Variants in TBC1D23 observed in about 807,000 individuals in gnomAD.
TBC1D23 encodes TBC1 domain family member 23, also known as HCV non-structural protein 4A-transactivated protein 1.
In TBC1D23, 55 loss-of-function variants were observed where a neutral mutation model predicts 91.4. The ratio of observed to expected loss-of-function variants is 0.60; its 90% CI spans 0.48 to 0.75. The LOEUF is 0.75. TBC1D23 is among the 30% of genes least tolerant of loss of function. The pLI is 0.00. For synonymous variants in TBC1D23, 289 were observed against 281.0 expected, an observed-to-expected ratio of 1.03 and a Z score of -0.28; for missense variants, 725 against 836.1, an observed-to-expected ratio of 0.87 and a Z score of 1.64.
intron 5 of TBC1D23, among the ~76,000 whole-genome samples, chr3:100,294,265 A>AT (rs775757936): frequency 0.013 from 1,932 of 143,522 alleles, 29 homozygotes; most frequent in African/African-American, 0.043. Flanking sequence ...TTTTGTGTTT[A>AT]TTTTTTTTTT....
intron 1 of TBC1D23, among the ~76,000 whole-genome samples, chr3:100,266,480 G>T (rs2067558813): frequency 6.6e-6 from 1 of 152,028 alleles, no homozygotes; most frequent in Non-Finnish European, 1.5e-5. Context: ...TGTTGGCCAG[G>T]CCGGTCTCAA....
At chr3:100,300,626 C>T (rs571334578) in intron 10 of TBC1D23, among the ~76,000 whole-genome samples, 25 of 151,672 alleles carry the variant, frequency 1.6e-4, no homozygotes, top group Admixed American at 3.3e-4. Context: ...CTCAGCCTCC[C>T]GAGTAACTGG....
chr3:100,295,137 A>G lies in TBC1D23; in HGVS notation c.651A>G (p.Ile217Met). The change falls in exon 6 of 19, where the codon ATA (isoleucine) becomes ATG (methionine). Residue 217 changes from isoleucine (I) to methionine (M), a missense_variant. Ile to Met is a conservative substitution (Grantham distance 10). Transcript: ENST00000394144. ...GTTCCACTGAAGTCACTCAGGCAAT[A>G]TGGGATGGATATCTACAACAAGCAG... ...CYCSTEVTQA[I>M]WDGYLQQADP... is the part of the protein sequence containing the mutation. 1 of 1,606,766 alleles carries G rather than the reference A, an allele frequency of 6.2e-7. No homozygotes were observed. Among genetic ancestry groups the G allele is most frequent in the Non-Finnish European group, 8.5e-7 (1 of 1,177,492 alleles).
Position 100,283,593 on chromosome 3 carries a change from C to A in TBC1D23, c.272-14C>A. 1 of 1,606,570 alleles carries A rather than the reference C, an allele frequency of 6.2e-7. No homozygotes were observed. Among genetic ancestry groups the A allele is most frequent in the Non-Finnish European group, 8.5e-7 (1 of 1,173,910 alleles). ...AGGCCCTCAGTAACTTTATTTTTAA[C>A]ATTTATTTTCTAGACCAGCTTTCAG... On this transcript the variant is annotated splice_polypyrimidine_tract_variant and intron_variant, in intron 3 of 18. Coordinates refer to ENST00000394144, the MANE Select transcript of TBC1D23 (RefSeq NM_001199198.3).
At chr3:100,318,598 A>G (rs1705794698) in intron 16 of TBC1D23, among the ~76,000 whole-genome samples, 2 of 151,976 alleles carry the variant, frequency 1.3e-5, no homozygotes. Context: ...CTATATTATC[A>G]GTGGCATAAG....
chr3:100,290,802 T>C, intron 5 of TBC1D23, 101 bp downstream of exon 5: 2 of 1,060,646 alleles, frequency 1.9e-6, no homozygotes, highest in Non-Finnish European at 2.7e-6. Flanking sequence ...AAAGTCCTAA[T>C]TATAGATCAT....
chr3:100,320,421 T>C (rs1487605377), intron 17 of TBC1D23, among the ~76,000 whole-genome samples: 1 of 152,174 alleles, frequency 6.6e-6, no homozygotes, highest in Admixed American at 6.5e-5. Context: ...GTGCATTGAA[T>C]GAGAATAGTT....
intron 1 of TBC1D23, among the ~76,000 whole-genome samples, chr3:100,273,044 G>A (rs1451673184): frequency 5.9e-5 from 9 of 152,154 alleles, no homozygotes; most frequent in Non-Finnish European, 1.0e-4. Context: ...GACCCTTTAC[G>A]GGTGTCGGGC....
At chr3:100,292,342 ATTAC>A (rs2067799660) in intron 5 of TBC1D23, among the ~76,000 whole-genome samples, 1 of 152,110 alleles carries the variant, frequency 6.6e-6, no homozygotes, top group South Asian at 2.1e-4. Context: ...TTTATTATGT[ATTAC>A]TTAACTTTTC....
intron 15 of TBC1D23, among the ~76,000 whole-genome samples, chr3:100,313,633 C>CTGGTTACAGCAAATGCTTATTCGCT (rs1705669900): frequency 6.6e-6 from 1 of 152,114 alleles, no homozygotes; most frequent in Admixed American, 6.5e-5. Context: ...ATTTGGTTAT[C>CTGGTTACAGCAAATGCTTATTCGCT]TGGTTACAGC....
intron 4 of TBC1D23, among the ~76,000 whole-genome samples, chr3:100,287,461 T>C (rs2067753813): frequency 6.6e-6 from 1 of 152,236 alleles, no homozygotes; most frequent in African/African-American, 2.4e-5. Context: ...GCCCCACTTT[T>C]TTGGAAGATG....
intron 1 of TBC1D23, among the ~76,000 whole-genome samples, chr3:100,266,733 A>G (rs1397627130): frequency 6.6e-6 from 1 of 152,262 alleles, no homozygotes; most frequent in Non-Finnish European, 1.5e-5. Context: ...CGACAAGTGC[A>G]TTCCCTCTGT....
At chr3:100,316,600 G>T (rs1705749894) in intron 16 of TBC1D23, among the ~76,000 whole-genome samples, 1 of 152,066 alleles carries the variant, frequency 6.6e-6, no homozygotes, top group Admixed American at 6.6e-5. Context: ...AAATCCAAGT[G>T]ATGGGATTGA....
chr3:100,281,177 CT>C (rs2067691099), intron 2 of TBC1D23, among the ~76,000 whole-genome samples: 1 of 151,972 alleles, frequency 6.6e-6, no homozygotes, highest in African/African-American at 2.4e-5. Flanking sequence ...ATAAAAAAGA[CT>C]GGTAATTCCT....
At chr3:100,274,789 A>G (rs1011723295) in intron 1 of TBC1D23, among the ~76,000 whole-genome samples, 2 of 148,290 alleles carry the variant, frequency 1.3e-5, no homozygotes, top group African/African-American at 4.9e-5. Flanking sequence ...ATTCTATAAT[A>G]TGTAATTAAC....
intron 11 of TBC1D23, among the ~76,000 whole-genome samples, chr3:100,303,194 A>G (rs577721338): frequency 1.3e-5 from 2 of 152,298 alleles, no homozygotes; most frequent in Admixed American, 6.5e-5. Context: ...CTTACTTTGT[A>G]TGGTCCTGAA....
In TBC1D23 at chr3:100,290,664, C is replaced by T. The variant is rs750459713; in HGVS notation, c.563C>T (p.Thr188Ile). 1 of 1,612,392 alleles carries T rather than the reference C, an allele frequency of 6.2e-7. No individual in the cohort carries two copies. Among genetic ancestry groups the T allele is most frequent in the Admixed American group, 1.7e-5 (1 of 59,944 alleles). ...HEPELCSYLD[T>I]KKITPDSYAL... is the part of the protein sequence containing the mutation. ...CCTGAGCTTTGTTCTTATCTTGATA[C>T]AAAGAAAATTACTCCAGACTCCTAT... is the stretch of plus-strand genomic sequence containing the variant. Residue 188 changes from threonine to isoleucine, a missense_variant, in exon 5 of 19, where the codon ACA (threonine) becomes ATA (isoleucine). Coordinates refer to ENST00000394144, the MANE Select transcript of TBC1D23 (RefSeq NM_001199198.3).
At chr3:100,321,830 T>TAA (rs10693696) in intron 18 of TBC1D23, among the ~76,000 whole-genome samples, 33,394 of 145,958 alleles carry the variant, frequency 0.23, 4,040 homozygotes, top group East Asian at 0.46. Context: ...ACCTGATTTG[T>TAA]AAAAAAAAAA....
intron 1 of TBC1D23, among the ~76,000 whole-genome samples, chr3:100,277,613 G>T (rs191371412): frequency 1.3e-4 from 20 of 152,296 alleles, no homozygotes; most frequent in Non-Finnish European, 2.8e-4. Flanking sequence ...AAAAGAAAAG[G>T]ATTTTGCACT....
Sources: allele counts gnomAD v4.1 joint callset (sites outside exome capture counted in the v4.1 genomes callset), GRCh38; gene constraint gnomAD v4.1.1; transcripts MANE v1.5; gene names NCBI Gene and HGNC (gene_info 2026-07-23, HGNC 2026-07-21).